TRPC7: variants seen among roughly 807,000 people sequenced by gnomAD.
TRPC7 encodes the protein short transient receptor potential channel 7.
In TRPC7, 42 loss-of-function variants were observed where a neutral mutation model predicts 90.1. That is an observed-to-expected ratio of 0.47 (90% CI 0.36 to 0.60). The LOEUF (loss-of-function observed/expected upper bound fraction) is 0.60. TRPC7 is among the 20% of genes least tolerant of loss of function. The pLI is 0.00. For synonymous variants in TRPC7, 451 were observed against 436.3 expected, an observed-to-expected ratio of 1.03 and a Z score of -0.42; for missense variants, 955 against 1,112.3, an observed-to-expected ratio of 0.86 and a Z score of 2.01.
Position 136,365,502 on chromosome 5 carries a change from G to A in TRPC7, c.-248C>T. On this transcript the variant is annotated 5_prime_UTR_variant, in exon 1 of 12. Transcript: ENST00000513104. ...TTACCGTCCTTTTCCTAATCGGGGG[G>A]AAATTTCCCAGAGAACATGACGGAG... is the stretch of plus-strand genomic sequence containing the variant. 3 of 568,128 alleles carry A rather than the reference G, an allele frequency of 5.3e-6. No homozygotes were observed. The highest frequency in any genetic ancestry group is 3.7e-5 in the African/African-American group (2 of 53,638). The allele number at this position is 568,128 out of a possible 1,614,324, so 35.2% of individuals were successfully genotyped here. A position where few individuals can be genotyped will look rare whatever the true frequency, so the allele number is the denominator to read the frequency against.
At chr5:136,243,298 C>T (rs1213123029) in intron 7 of TRPC7, among the ~76,000 whole-genome samples, 2 of 151,806 alleles carry the variant, frequency 1.3e-5, no homozygotes, top group African/African-American at 4.8e-5. Context: ...TTTAGAGACT[C>T]CAATTGCCCT....
intron 3 of TRPC7, chr5:136,303,803 G>A (rs944455147): frequency 6.6e-5 from 10 of 151,502 alleles, no homozygotes; most frequent in African/African-American, 1.2e-4. Flanking sequence ...AGATCGCCTC[G>A]GAAGCCCCCT....
intron 2 of TRPC7, among the ~76,000 whole-genome samples, chr5:136,323,349 T>C (rs1759254895): frequency 6.6e-6 from 1 of 152,202 alleles, no homozygotes; most frequent in Non-Finnish European, 1.5e-5. Flanking sequence ...TACTACAAAG[T>C]CCAATCTATT....
intron 3 of TRPC7, among the ~76,000 whole-genome samples, chr5:136,288,872 AAGTC>A (rs1757829758): frequency 6.6e-6 from 1 of 152,204 alleles, no homozygotes; most frequent in Non-Finnish European, 1.5e-5. Context: ...TCATAACAAA[AAGTC>A]AGATTTCTCT....
At chr5:136,291,108 A>G (rs2149824435) in intron 3 of TRPC7, among the ~76,000 whole-genome samples, 1 of 152,324 alleles carries the variant, frequency 6.6e-6, no homozygotes, top group South Asian at 2.1e-4. Context: ...TTTAGTCACC[A>G]CCAGGCCTGC....
intron 7 of TRPC7, among the ~76,000 whole-genome samples, chr5:136,245,657 C>T (rs181733954): frequency 2.0e-5 from 3 of 152,122 alleles, no homozygotes; most frequent in Admixed American, 6.5e-5. Context: ...TGGGATTCCA[C>T]AAGGCTGAAA....
intron 5 of TRPC7, among the ~76,000 whole-genome samples, chr5:136,262,562 T>A (rs1756893516): frequency 6.6e-6 from 1 of 152,196 alleles, no homozygotes; most frequent in Non-Finnish European, 1.5e-5. Flanking sequence ...GAAATTTGGT[T>A]ATTGGCTGGA....
At position 136,308,349 on chromosome 5, in the gene TRPC7, A is replaced by G. The variant is rs1329778819; in HGVS notation, c.963+7248T>C. Among the ~76,000 whole-genome samples, 4 of 152,254 alleles carry G rather than the reference A, an allele frequency of 2.6e-5. No homozygotes were observed. In the East Asian group the frequency reaches 7.7e-4, roughly 29 times the overall value. On this transcript the variant is annotated intron_variant, in intron 3 of 11. Transcript: ENST00000513104. ...GATGCTTTTGACACCAATGGATTCC[A>G]ACAGTGTTTGCCAACTACCAGGCAT...
At chr5:136,303,807 G>A (rs530666718) in intron 3 of TRPC7, 1 of 151,812 alleles carries the variant, frequency 6.6e-6, no homozygotes, top group East Asian at 1.9e-4. Flanking sequence ...CGCCTCGGAA[G>A]CCCCCTAGAC....
Position 136,305,569 on chromosome 5 carries a change from A to G in TRPC7, c.963+10028T>C, listed in dbSNP as rs545006224. 2.6e-5 allele frequency among the ~76,000 whole-genome samples: 4 copies of G among 152,222 alleles called. No homozygotes were observed. The East Asian group carries it at 7.7e-4, about 29-fold the overall frequency. On this transcript the variant is annotated intron_variant, in intron 3 of 11. Transcript: ENST00000513104. The stretch of plus-strand genomic sequence containing the variant: ...AACATGCCCCAACTCAGCAAACTAA[A>G]ATACCTCTTAGTCTAAATAGACACT...
chr5:136,233,687 TG>T (rs1755888624), intron 7 of TRPC7, among the ~76,000 whole-genome samples: 1 of 152,234 alleles, frequency 6.6e-6, no homozygotes, highest in Non-Finnish European at 1.5e-5. Context: ...GGATCATACT[TG>T]CCATAGAGAA....
At chr5:136,257,796 A>G (rs1190330585) in intron 5 of TRPC7, among the ~76,000 whole-genome samples, 1 of 152,198 alleles carries the variant, frequency 6.6e-6, no homozygotes, top group African/African-American at 2.4e-5. Flanking sequence ...TTTTAAAAAT[A>G]AATTTTTTAA....
At chr5:136,318,708 C>G (rs868229542) in intron 2 of TRPC7, among the ~76,000 whole-genome samples, 9 of 152,166 alleles carry the variant, frequency 5.9e-5, no homozygotes, top group African/African-American at 1.9e-4. Flanking sequence ...AGATCCTTCC[C>G]TACTGCAACT....
At chr5:136,310,727 T>A (rs1458225291) in intron 3 of TRPC7, among the ~76,000 whole-genome samples, 1 of 152,186 alleles carries the variant, frequency 6.6e-6, no homozygotes, top group African/African-American at 2.4e-5. Flanking sequence ...GCTGGTGAAG[T>A]ACTTAAGAGA....
chr5:136,314,788 G>C (rs1289384779), intron 3 of TRPC7, among the ~76,000 whole-genome samples: 4 of 152,096 alleles, frequency 2.6e-5, no homozygotes, highest in African/African-American at 9.7e-5. Flanking sequence ...ACCCCTCAAA[G>C]ACCAAACAGC....
At chr5:136,307,658 T>G (rs1392780763) in intron 3 of TRPC7, among the ~76,000 whole-genome samples, 1 of 152,122 alleles carries the variant, frequency 6.6e-6, no homozygotes, top group Non-Finnish European at 1.5e-5. Flanking sequence ...TCTGGAGACG[T>G]TTTTGGTTAA....
At chr5:136,294,472 G>C (rs1279777901) in intron 3 of TRPC7, among the ~76,000 whole-genome samples, 4 of 151,968 alleles carry the variant, frequency 2.6e-5, no homozygotes, top group Non-Finnish European at 5.9e-5. Context: ...ATCAAAAAGT[G>C]GGCGAAGGAT....
At chr5:136,222,002 C>T (rs1755475988) in intron 10 of TRPC7, 1 of 152,164 alleles carries the variant, frequency 6.6e-6, no homozygotes, top group Non-Finnish European at 1.5e-5. Context: ...AAACAGATCA[C>T]AGGGAGCTTG....
At chr5:136,336,695 T>C (rs560671052) in intron 2 of TRPC7, among the ~76,000 whole-genome samples, 2 of 152,184 alleles carry the variant, frequency 1.3e-5, no homozygotes, top group South Asian at 4.2e-4. Context: ...TGGGGTGTGA[T>C]GTTCCCTGCC....
Sources: gnomAD v4.1 joint callset for allele counts (sites outside exome capture counted in the v4.1 genomes callset) on GRCh38, gnomAD v4.1.1 for gene constraint, MANE v1.5 for transcripts, NCBI Gene and HGNC (gene_info 2026-07-23, HGNC 2026-07-21) for gene names.